Variants in CAMTA1 observed in about 807,000 individuals in gnomAD.
The protein encoded by CAMTA1 is calmodulin binding transcription activator 1, also known as calmodulin-binding transcription activator 1.
In CAMTA1, 27 loss-of-function variants were observed where a neutral mutation model predicts 170.9. The ratio of observed to expected loss-of-function variants is 0.16; its 90% CI spans 0.12 to 0.22. CAMTA1 has a LOEUF of 0.22. CAMTA1 is among the 10% of genes least tolerant of loss of function. The pLI, the probability that CAMTA1 is intolerant of heterozygous loss-of-function variation, is 1.00. For synonymous variants in CAMTA1, 833 were observed against 891.5 expected (o/e 0.93, Z 1.17); for missense variants, 1,619 against 2,217.2 (o/e 0.73, Z 5.42).
rs537148084 is a variant in CAMTA1, at chr1:7,160,265, T to A, written c.302+68894T>A. Among the ~76,000 whole-genome samples the A allele has an allele frequency of 3.3e-5, 5 of 152,210 alleles. No individual in the cohort carries two copies. In the East Asian group the frequency reaches 9.7e-4, roughly 29 times the overall value. On this transcript the variant is annotated intron_variant, in intron 4 of 22. Transcript: ENST00000303635. ...AAAAAATAAAAGCTGTTATTATTAA[T>A]GACTTAACTCTCCCTATCATATATC...
intron 6 of CAMTA1, among the ~76,000 whole-genome samples, chr1:7,506,895 C>G (rs533935369): frequency 1.3e-5 from 2 of 152,192 alleles, no homozygotes; most frequent in Admixed American, 1.3e-4. Flanking sequence ...AAAATTCACA[C>G]TATCTCTTGC....
In CAMTA1 at chr1:6,997,145, ATT is replaced by A. The variant is rs577146084; in HGVS notation, c.235-94153_235-94152del. ...TCCCTTGTGGCTCAGTGCATGTTTA[ATT>A]TTTTTGTGAATGTTCTACACGTACT... On this transcript the variant is annotated intron_variant, in intron 3 of 22. Coordinates refer to ENST00000303635, the MANE Select transcript of CAMTA1 (RefSeq NM_015215.4). Among the ~76,000 whole-genome samples, 179 of 152,132 alleles carry A rather than the reference ATT, an allele frequency of 1.2e-3. 1 individual carries two copies. Among genetic ancestry groups the A allele is most frequent in the African/African-American group, 4.2e-3 (175 of 41,494 alleles).
At chr1:7,069,557 G>A (rs1638321474) in intron 3 of CAMTA1, among the ~76,000 whole-genome samples, 1 of 152,148 alleles carries the variant, frequency 6.6e-6, no homozygotes, top group Non-Finnish European at 1.5e-5. Context: ...TCAGCGGACC[G>A]TTTGGGCCAT....
At chr1:7,684,961 T>C (rs2096245630) in intron 11 of CAMTA1, among the ~76,000 whole-genome samples, 1 of 152,148 alleles carries the variant, frequency 6.6e-6, no homozygotes, top group African/African-American at 2.4e-5. Context: ...AGAAGCGCAG[T>C]GAAGAAGCCG....
At chr1:7,599,519 ATTACC>A (rs2095424751) in intron 6 of CAMTA1, among the ~76,000 whole-genome samples, 1 of 152,170 alleles carries the variant, frequency 6.6e-6, no homozygotes, top group African/African-American at 2.4e-5. Flanking sequence ...GAATCTATAA[ATTACC>A]TTGGGGAGTA....
At chr1:7,364,952 G>C (rs1425229702) in intron 5 of CAMTA1, among the ~76,000 whole-genome samples, 1 of 152,364 alleles carries the variant, frequency 6.6e-6, no homozygotes, top group African/African-American at 2.4e-5. Flanking sequence ...GAATGGCGGT[G>C]GCCATGGGCT....
chr1:7,702,357 A>G (rs1479253272), intron 11 of CAMTA1, among the ~76,000 whole-genome samples: 2 of 152,130 alleles, frequency 1.3e-5, no homozygotes, highest in East Asian at 3.9e-4. Context: ...ACAAACAACA[A>G]CAACAGGAAA....
chr1:7,439,247 A>G (rs746961278), intron 5 of CAMTA1, among the ~76,000 whole-genome samples: 2 of 152,160 alleles, frequency 1.3e-5, no homozygotes, highest in African/African-American at 2.4e-5. Context: ...GCCTGGGTCC[A>G]TGCTGCCACT....
chr1:7,079,640 T>A (rs1484282631), intron 3 of CAMTA1, among the ~76,000 whole-genome samples: 1 of 139,428 alleles, frequency 7.2e-6, no homozygotes, highest in Non-Finnish European at 1.6e-5. Context: ...CCTGGCTAAT[T>A]TTTTTTTTTT....
At chr1:7,070,654 C>G (rs997233730) in intron 3 of CAMTA1, among the ~76,000 whole-genome samples, 2 of 152,168 alleles carry the variant, frequency 1.3e-5, no homozygotes, top group African/African-American at 4.8e-5. Flanking sequence ...CAGGCCTGGC[C>G]CTGAACCCAG....
intron 3 of CAMTA1, among the ~76,000 whole-genome samples, chr1:6,931,928 T>C (rs1479395710): frequency 6.6e-6 from 1 of 152,248 alleles, no homozygotes; most frequent in Non-Finnish European, 1.5e-5. Context: ...CATTTGGCAA[T>C]TATTATTTTT....
rs1186845497 is a variant in CAMTA1 at position 6,944,391 on chromosome 1, G to C, written c.234+119181G>C. ...TCCTCTGTTCAACCCGGGCCTTCCT[G>C]TTCTCTCAGTGGAGAAGCCCAAAGC... is the stretch of plus-strand genomic sequence containing the variant. On this transcript the variant is annotated intron_variant, in intron 3 of 22. Transcript: ENST00000303635. Among the ~76,000 whole-genome samples, 4 of 152,150 alleles carry C rather than the reference G, an allele frequency of 2.6e-5. No individual in the cohort carries two copies. In the East Asian group the frequency reaches 7.7e-4, roughly 29 times the overall value.
chr1:7,706,689 T>C (rs1309713753), intron 11 of CAMTA1, among the ~76,000 whole-genome samples: 1 of 152,218 alleles, frequency 6.6e-6, no homozygotes, highest in Non-Finnish European at 1.5e-5. Flanking sequence ...TAAATAAATT[T>C]AACCTAGTAG....
At chr1:7,379,604 T>C (rs1398618103) in intron 5 of CAMTA1, among the ~76,000 whole-genome samples, 1 of 152,214 alleles carries the variant, frequency 6.6e-6, no homozygotes, top group Non-Finnish European at 1.5e-5. Flanking sequence ...TCTCTGTCTA[T>C]GGATTGTCTT....
intron 3 of CAMTA1, among the ~76,000 whole-genome samples, chr1:7,042,884 A>G (rs7524998): frequency 0.71 from 107,275 of 152,156 alleles, 38,789 homozygotes; most frequent in African/African-American, 0.87. Flanking sequence ...GCTGTGCAAT[A>G]TCTGATTCTT....
intron 6 of CAMTA1, among the ~76,000 whole-genome samples, chr1:7,593,603 C>T (rs543913894): frequency 6.6e-6 from 1 of 151,352 alleles, no homozygotes; most frequent in East Asian, 2.0e-4. Flanking sequence ...GATTCTCCTG[C>T]CTCAGCCTCC....
At chr1:6,930,303 T>C (rs1044234940) in intron 3 of CAMTA1, among the ~76,000 whole-genome samples, 4 of 152,204 alleles carry the variant, frequency 2.6e-5, no homozygotes, top group Non-Finnish European at 5.9e-5. Flanking sequence ...TTCCCACCAT[T>C]GTACACCGTC....
intron 6 of CAMTA1, among the ~76,000 whole-genome samples, chr1:7,611,918 C>T (rs192843389): frequency 2.0e-4 from 31 of 152,336 alleles, no homozygotes; most frequent in African/African-American, 5.5e-4. Context: ...AGACTTGCAA[C>T]GGGGTATGGC....
chr1:6,901,039 A>G (rs1676825489), intron 3 of CAMTA1, among the ~76,000 whole-genome samples: 1 of 152,254 alleles, frequency 6.6e-6, no homozygotes, highest in Non-Finnish European at 1.5e-5. Context: ...TTGCAAAAAG[A>G]TGGACATATA....
Sources: allele counts gnomAD v4.1 joint callset (sites outside exome capture counted in the v4.1 genomes callset), GRCh38; gene constraint gnomAD v4.1.1; transcripts MANE v1.5; gene names NCBI Gene and HGNC (gene_info 2026-07-23, HGNC 2026-07-21).